ANK1: variants seen among roughly 807,000 people sequenced by gnomAD.
The protein encoded by ANK1 is ankyrin-1.
Under a neutral mutation model 210.4 loss-of-function variants are expected in ANK1, and 51 were observed. The ratio of observed to expected loss-of-function variants is 0.24; its 90% confidence interval spans 0.19 to 0.31. The LOEUF (loss-of-function observed/expected upper bound fraction) is 0.31, where lower values mean the gene tolerates loss of function less well. Ranked by LOEUF, ANK1 falls within the 10% of genes least tolerant of loss-of-function variation. ANK1 has a pLI of 1.00. For synonymous variants in ANK1, 967 were observed against 1,025.9 expected (o/e 0.94, Z 1.10); for missense variants, 2,051 against 2,504.4 (o/e 0.82, Z 3.86).
rs564718064 is a variant in ANK1, at chr8:41,697,657, C to G, written c.2637+386G>C. 2.9e-5 allele frequency: 10 copies of G among 350,160 alleles called. No homozygotes were observed. In the East Asian group the frequency reaches 5.7e-4, roughly 20 times the overall value. 21.7% of individuals were successfully genotyped at this position (350,160 alleles called of 1,614,324 possible). On this transcript the variant is annotated intron_variant, in intron 24 of 42. Coordinates refer to ENST00000289734, the MANE Select transcript of ANK1 (RefSeq NM_000037.4). ...CGGCTCCCAGGAGGCAGGTGTCCAGCCCTCCTGCCTGAGCCTGTCCGGGGT... is the reference window on the plus strand; with the variant it reads ...CGGCTCCCAGGAGGCAGGTGTCCAGGCCTCCTGCCTGAGCCTGTCCGGGGT...
At position 41,715,037 on chromosome 8, in the gene ANK1, C is replaced by G. The variant is rs773568299; in HGVS notation, c.1640G>C (p.Gly547Ala). 1 of 1,613,998 alleles carries G rather than the reference C, an allele frequency of 6.2e-7. No homozygotes were observed. The highest frequency in any genetic ancestry group is 1.3e-5 in the African/African-American group (1 of 74,910). The change falls in exon 15 of 43, where the codon GGG becomes GCG. Residue 547 changes from glycine (G) to alanine (A), a missense_variant. Transcript: ENST00000289734. Reference sequence around the variant, plus strand: ...CAGCAGCTCTGCCACCCGCACCTTCCCGTACTTGGCCGCCACGTGCAGAGG... The same window carrying G: ...CAGCAGCTCTGCCACCCGCACCTTCGCGTACTTGGCCGCCACGTGCAGAGG... ...FTPLHVAAKY[G>A]KVRVAELLLE... is the part of the protein sequence containing the mutation.
chr8:41,870,441 G>C (rs1398777013), intron 1 of ANK1, among the ~76,000 whole-genome samples: 1 of 152,162 alleles, frequency 6.6e-6, no homozygotes, highest in Non-Finnish European at 1.5e-5. Flanking sequence ...CAAGGTTCCA[G>C]GGACATGAGC....
intron 1 of ANK1, among the ~76,000 whole-genome samples, chr8:41,792,787 C>T (rs946630339): frequency 2.0e-5 from 3 of 152,208 alleles, no homozygotes; most frequent in African/African-American, 7.2e-5. Context: ...AAGTCATCCA[C>T]GCAAACCCTA....
chr8:41,707,488 C>A (rs12114161), intron 17 of ANK1, among the ~76,000 whole-genome samples: 5,419 of 152,308 alleles, frequency 0.036, 318 homozygotes, highest in African/African-American at 0.12. Context: ...GCAGCCAAAG[C>A]AGGTGGGCCC....
chr8:41,828,758 G>C (rs1805986535), intron 1 of ANK1: 1 of 152,384 alleles, frequency 6.6e-6, no homozygotes, highest in African/African-American at 2.4e-5. Flanking sequence ...ACATCTTTGG[G>C]GAGAGGGCAT....
intron 1 of ANK1, among the ~76,000 whole-genome samples, chr8:41,880,164 A>G (rs562092867): frequency 1.3e-5 from 2 of 152,360 alleles, no homozygotes; most frequent in Admixed American, 1.3e-4. Flanking sequence ...AATTAAATGA[A>G]ATTCAAATTT....
intron 2 of ANK1, among the ~76,000 whole-genome samples, chr8:41,757,488 C>T (rs1017469463): frequency 2.0e-5 from 3 of 152,282 alleles, no homozygotes; most frequent in African/African-American, 2.4e-5. Context: ...TTTGTTTCCT[C>T]GCCAGCCCCT....
chr8:41,715,187 C>CA, intron 14 of ANK1, 113 bp from the exon 15 acceptor site: 1 of 995,884 alleles, frequency 1.0e-6, no homozygotes, highest in Non-Finnish European at 1.5e-6. Context: ...CCAATGAAAG[C>CA]AAAGGCACAG....
rs909471943 is a variant in ANK1 at position 41,703,576 on chromosome 8, C to T, written c.2295+465G>A. Among the ~76,000 whole-genome samples, 9 of 150,338 alleles carry T rather than the reference C, an allele frequency of 6.0e-5. No individual in the cohort carries two copies. In the South Asian group the frequency reaches 1.5e-3, roughly 25 times the overall value. ...ACAGCTCACTGCAGCCTTGACCTCCCGGACTCAGGCTATCCTCCCACTTCA... is the reference window on the plus strand; with the variant it reads ...ACAGCTCACTGCAGCCTTGACCTCCTGGACTCAGGCTATCCTCCCACTTCA... On this transcript the variant is annotated intron_variant, in intron 20 of 42. Coordinates refer to ENST00000289734, the MANE Select transcript of ANK1 (RefSeq NM_000037.4).
intron 1 of ANK1, among the ~76,000 whole-genome samples, chr8:41,773,637 AC>A: frequency 6.6e-6 from 1 of 152,086 alleles, no homozygotes; most frequent in African/African-American, 2.4e-5. Context: ...AAATCCCTCT[AC>A]CCCCAGTGTG....
At chr8:41,705,841 T>G (rs2304879) in intron 18 of ANK1, among the ~76,000 whole-genome samples, 6,151 of 152,314 alleles carry the variant, frequency 0.04, 170 homozygotes, top group African/African-American at 0.071. Context: ...TGTGTGGATC[T>G]GGGGAAACTT....
chr8:41,884,176 C>A (rs1450809088), intron 1 of ANK1, among the ~76,000 whole-genome samples: 1 of 151,588 alleles, frequency 6.6e-6, no homozygotes, highest in Non-Finnish European at 1.5e-5. Context: ...ATGGTGAAAC[C>A]CTGTCTCCAC....
chr8:41,755,912 G>C (rs1377288405), intron 2 of ANK1, among the ~76,000 whole-genome samples: 3 of 152,188 alleles, frequency 2.0e-5, no homozygotes, highest in African/African-American at 7.2e-5. Context: ...CATCCAGTTT[G>C]CAAATTCCAG....
chr8:41,720,966 T>G (rs1829096280), intron 9 of ANK1, among the ~76,000 whole-genome samples: 1 of 152,140 alleles, frequency 6.6e-6, no homozygotes. Context: ...GACCTGGGAC[T>G]TCAGCTTTTA....
intron 1 of ANK1, among the ~76,000 whole-genome samples, chr8:41,776,287 A>G (rs1299828839): frequency 6.6e-6 from 1 of 152,202 alleles, no homozygotes; most frequent in Non-Finnish European, 1.5e-5. Context: ...CCAGCCACCA[A>G]TCACTATCAC....
At chr8:41,855,041 A>G (rs1411814044) in intron 1 of ANK1, among the ~76,000 whole-genome samples, 1 of 152,076 alleles carries the variant, frequency 6.6e-6, no homozygotes, top group Admixed American at 6.6e-5. Context: ...CAGGTGATTC[A>G]TGTGCATATA....
intron 2 of ANK1, among the ~76,000 whole-genome samples, chr8:41,734,351 CT>C (rs1304570415): frequency 1.3e-5 from 2 of 152,212 alleles, no homozygotes; most frequent in African/African-American, 4.8e-5. Context: ...CCATGGTGAC[CT>C]TGAAATTCAT....
chr8:41,690,203 G>T lies in ANK1; in HGVS notation c.4104+24C>A, dbSNP rs189948847. ...TACAGGGAAGCCGTCTCGGGCCAAG[G>T]CTCCTCGGCAGGTGCCAGCTCACCT... is the stretch of plus-strand genomic sequence containing the variant. On this transcript the variant is annotated intron_variant, in intron 33 of 42. Transcript: ENST00000289734. 2,353 of 1,614,064 alleles carry T rather than the reference G, an allele frequency of 1.5e-3. 8 individuals carry two copies. Among genetic ancestry groups the T allele is most frequent in the Middle Eastern group, 6.7e-3 (40 of 5,984 alleles).
Position 41,720,608 on chromosome 8 carries a change from C to T in ANK1, c.910-750G>A, listed in dbSNP as rs1009899452. Among the ~76,000 whole-genome samples, 5 of 152,122 alleles carry T rather than the reference C, an allele frequency of 3.3e-5. 1 individual carries two copies. Among genetic ancestry groups the T allele is most frequent in the Non-Finnish European group, 5.9e-5 (4 of 68,032 alleles). On this transcript the variant is annotated intron_variant, in intron 9 of 42. Transcript: ENST00000289734. The stretch of plus-strand genomic sequence containing the variant: ...AAGAGAACAGACATAACCCCTGACC[C>T]AAGGAAGCTTGTAGACAGACATGGT...
Sources: allele counts gnomAD v4.1 joint callset (sites outside exome capture counted in the v4.1 genomes callset), GRCh38; gene constraint gnomAD v4.1.1; transcripts MANE v1.5; gene names NCBI Gene and HGNC (gene_info 2026-07-23, HGNC 2026-07-21).